Variants in RANGAP1 observed in about 807,000 individuals in gnomAD.
The protein encoded by RANGAP1 is ran GTPase-activating protein 1.
In RANGAP1, 38 loss-of-function variants were observed where a neutral mutation model predicts 63.5. The observed-to-expected ratio is 0.60, with a 90% CI of 0.46 to 0.78. RANGAP1 has a LOEUF of 0.78. Ranked by LOEUF, RANGAP1 falls within the 30% of genes least tolerant of loss-of-function variation. The pLI is 0.00. For synonymous variants in RANGAP1, 329 were observed against 310.5 expected, an observed-to-expected ratio of 1.06 and a Z score of -0.63; for missense variants, 630 against 740.3, an observed-to-expected ratio of 0.85 and a Z score of 1.73.
the RANGAP1 span, among the ~76,000 whole-genome samples, chr22:41,293,416 G>GTAAA: frequency 5.9e-5 from 9 of 151,906 alleles, no homozygotes; most frequent in African/African-American, 1.4e-4. Flanking sequence ...TGTCTCAAAA[G>GTAAA]TAAATAAATA....
intron 1 of RANGAP1, chr22:41,285,457 A>C (rs1281236882): frequency 2.1e-6 from 2 of 969,094 alleles, no homozygotes. Context: ...GGGCTAATAG[A>C]GAAACATCCT....
At chr22:41,293,815 T>TA in the RANGAP1 span, among the ~76,000 whole-genome samples, 2 of 151,898 alleles carry the variant, frequency 1.3e-5, no homozygotes, top group African/African-American at 2.4e-5. Flanking sequence ...CTTGGTTTTT[T>TA]AAAAAAATTC....
chr22:41,284,562 C>T (rs1045229207), intron 1 of RANGAP1, among the ~76,000 whole-genome samples: 5 of 149,414 alleles, frequency 3.3e-5, no homozygotes, highest in African/African-American at 9.9e-5. Context: ...AGTGAAACTC[C>T]GTCTCAAAAA....
In RANGAP1 at chr22:41,273,766, C is replaced by CAAAAAAAAAAAAAAAAAAA. The variant is rs71200678; in HGVS notation, c.240+815_240+833dup. Among the ~76,000 whole-genome samples the CAAAAAAAAAAAAAAAAAAA allele has an allele frequency of 1.6e-4, 4 of 24,356 alleles. 1 individual carries two copies. The highest frequency in any genetic ancestry group is 2.1e-4 in the Non-Finnish European group (3 of 14,164). The allele number at this position is 24,356 out of a possible 152,430, so 16.0% of individuals were successfully genotyped here. Reference sequence around the variant, plus strand: ...CGGGTGACAGTGTGAGACTCCATCTCAAAAAAAAAAAAAAAAAAAAAAAAA... The same window carrying CAAAAAAAAAAAAAAAAAAA: ...CGGGTGACAGTGTGAGACTCCATCTCAAAAAAAAAAAAAAAAAAAAAAAAAAAAAAAAAAAAAAAAAAAA... On this transcript the variant is annotated intron_variant, in intron 3 of 15. Coordinates refer to ENST00000356244, the MANE Select transcript of RANGAP1 (RefSeq NM_002883.4).
chr22:41,246,811 T>G (rs544185475), intron 15 of RANGAP1, 139 bp from the exon 16 acceptor site: 1 of 791,844 alleles, frequency 1.3e-6, no homozygotes, highest in Non-Finnish European at 2.1e-6. Flanking sequence ...CTCTGCCTTC[T>G]GCACACCGTG....
chr22:41,281,698 G>A (rs1250838390), intron 1 of RANGAP1: 2 of 928,388 alleles, frequency 2.2e-6, no homozygotes, highest in Non-Finnish European at 2.6e-6. Context: ...CATCACAACA[G>A]CTACCATCAT....
Position 41,261,594 on chromosome 22 carries a change from C to CAA in RANGAP1, c.481-16_481-15dup. On this transcript the variant is annotated splice_polypyrimidine_tract_variant and intron_variant, in intron 5 of 15. Transcript: ENST00000356244. ...TGCAGCCAGGATCTGTGGGGAAAGG[C>CAA]AAGGGGCCCTGGTCATGGGCAGGAG... 6.2e-7 allele frequency: 1 copy of CAA among 1,614,184 alleles called. No homozygotes were observed. Among genetic ancestry groups the CAA allele is most frequent in the South Asian group, 1.1e-5 (1 of 91,084 alleles).
chr22:41,278,112 C>T (rs2035266380), intron 2 of RANGAP1, among the ~76,000 whole-genome samples: 2 of 151,158 alleles, frequency 1.3e-5, no homozygotes, highest in African/African-American at 2.4e-5. Flanking sequence ...TCTCGGCTCA[C>T]TGCAACCTCC....
At position 41,249,449 on chromosome 22, in the gene RANGAP1, ACT is replaced by A; in HGVS notation, c.1573_1574del (p.Ser525Ter). On this transcript the variant is annotated frameshift_variant and splice_region_variant, in exon 15 of 16. Transcript: ENST00000356244. LOFTEE classifies it high-confidence loss of function. Reference sequence around the variant, plus strand: ...TGGCAATGGCCTTGACCTTGTCTTCACTCTGAGAGGAACACAGCGAAAAGCGG... The same window carrying A: ...TGGCAATGGCCTTGACCTTGTCTTCACTGAGAGGAACACAGCGAAAAGCGG... ...RLLVHMGLLK[S>X]EDKVKAIANL... 1 of 1,613,984 alleles carries A rather than the reference ACT, an allele frequency of 6.2e-7. No individual in the cohort carries two copies. The highest frequency in any genetic ancestry group is 8.5e-7 in the Non-Finnish European group (1 of 1,179,986).
intron 2 of RANGAP1, among the ~76,000 whole-genome samples, chr22:41,278,105 C>T (rs1476105216): frequency 1.3e-5 from 2 of 149,390 alleles, no homozygotes; most frequent in African/African-American, 4.9e-5. Context: ...GGTGCCATCT[C>T]GGCTCACTGC....
chr22:41,291,448 A>C, the RANGAP1 span, among the ~76,000 whole-genome samples: 28 of 151,832 alleles, frequency 1.8e-4, no homozygotes, highest in South Asian at 5.7e-3. Context: ...ATACAAAAAA[A>C]TTAGCCAGGC....
chr22:41,265,224 C>A (rs2034397287), intron 4 of RANGAP1, among the ~76,000 whole-genome samples: 1 of 152,162 alleles, frequency 6.6e-6, no homozygotes, highest in Admixed American at 6.6e-5. Flanking sequence ...CCAGAAGAAG[C>A]CGTGGCATGG....
At chr22:41,252,754 C>A in intron 12 of RANGAP1, 118 bp downstream of exon 12, 1 of 1,218,786 alleles carries the variant, frequency 8.2e-7, no homozygotes, top group Non-Finnish European at 1.1e-6. Flanking sequence ...CAGGCCAAGC[C>A]TCCCTGCCCC....
intron 6 of RANGAP1, among the ~76,000 whole-genome samples, chr22:41,260,860 G>C (rs992260660): frequency 2.0e-5 from 3 of 152,272 alleles, no homozygotes; most frequent in African/African-American, 7.2e-5. Context: ...ACAGGAAAGA[G>C]AGGAGGGAGA....
At chr22:41,285,826 AC>A in intron 1 of RANGAP1, 159 bp downstream of exon 1, 1 of 574,258 alleles carries the variant, frequency 1.7e-6, no homozygotes, top group Non-Finnish European at 2.2e-6. Context: ...CCGCTCAACA[AC>A]CCCACTCCCA....
intron 3 of RANGAP1, among the ~76,000 whole-genome samples, chr22:41,271,551 C>T (rs1029674312): frequency 6.6e-5 from 10 of 151,900 alleles, no homozygotes; most frequent in Admixed American, 2.6e-4. Flanking sequence ...AAAAATTAGC[C>T]GGCATGGTGG....
chr22:41,264,940 C>G (rs77109190), intron 4 of RANGAP1, 97 bp from the exon 5 acceptor site: 5 of 1,300,154 alleles, frequency 3.8e-6, no homozygotes, highest in Non-Finnish European at 5.3e-6. Context: ...TCCAAGGACA[C>G]CCCGGCTGGT....
chr22:41,299,428 G>A, the RANGAP1 span, among the ~76,000 whole-genome samples: 71 of 151,904 alleles, frequency 4.7e-4, no homozygotes, highest in East Asian at 8.9e-3. Context: ...CACCGCGCCC[G>A]GCCTAATTTT....
chr22:41,292,944 A>C, the RANGAP1 span, among the ~76,000 whole-genome samples: 1 of 151,668 alleles, frequency 6.6e-6, no homozygotes, highest in Non-Finnish European at 1.5e-5. Flanking sequence ...TCTCTACAAA[A>C]AAATTGTCTA....
Sources: allele counts gnomAD v4.1 joint callset (sites outside exome capture counted in the v4.1 genomes callset), GRCh38; gene constraint gnomAD v4.1.1; transcripts MANE v1.5; gene names NCBI Gene and HGNC (gene_info 2026-07-23, HGNC 2026-07-21).